Variants in THSD7B observed in about 807,000 individuals in gnomAD.
THSD7B encodes the protein thrombospondin type-1 domain-containing protein 7B.
In THSD7B, 138 loss-of-function variants were observed where a neutral mutation model predicts 213.6. That is an observed-to-expected ratio of 0.65 (90% CI 0.56 to 0.74). THSD7B has a LOEUF of 0.74. Among genes scored for constraint, THSD7B ranks in the 30% least tolerant of loss-of-function variants. The pLI is 0.00. For missense variants in THSD7B, 1,931 were observed against 1,991.5 expected (o/e 0.97, Z 0.58); for synonymous variants, 742 against 687.0 (o/e 1.08, Z -1.25).
intron 17 of THSD7B, among the ~76,000 whole-genome samples, chr2:137,583,407 C>T (rs1310044441): frequency 2.6e-5 from 4 of 152,104 alleles, no homozygotes; most frequent in African/African-American, 9.7e-5. Context: ...ACACGAAGTC[C>T]TTGCCCATGC....
intron 1 of THSD7B, among the ~76,000 whole-genome samples, chr2:136,813,352 GC>G (rs751220977): frequency 1.3e-5 from 2 of 151,966 alleles, no homozygotes; most frequent in Non-Finnish European, 2.9e-5. Flanking sequence ...CTTCGGATTA[GC>G]CCCACAGTAT....
intron 14 of THSD7B, among the ~76,000 whole-genome samples, chr2:137,448,451 G>C (rs111974884): frequency 2.0e-5 from 3 of 152,128 alleles, no homozygotes; most frequent in Non-Finnish European, 4.4e-5. Flanking sequence ...TAGAAGAGAC[G>C]GGAGGGTGGG....
chr2:137,518,129 A>G (rs952776734), intron 15 of THSD7B, among the ~76,000 whole-genome samples: 4 of 152,118 alleles, frequency 2.6e-5, no homozygotes, highest in Non-Finnish European at 2.9e-5. Flanking sequence ...TACATGAGGA[A>G]GTGGCTGAAA....
At chr2:136,842,372 A>G (rs1682933601) in intron 1 of THSD7B, among the ~76,000 whole-genome samples, 1 of 152,212 alleles carries the variant, frequency 6.6e-6, no homozygotes, top group Admixed American at 6.5e-5. Context: ...TCTCAGCTAT[A>G]TCAATCTGGC....
At chr2:137,452,860 A>G (rs1317240422) in intron 15 of THSD7B, among the ~76,000 whole-genome samples, 1 of 152,218 alleles carries the variant, frequency 6.6e-6, no homozygotes, top group Non-Finnish European at 1.5e-5. Flanking sequence ...CAATTCATTA[A>G]CATATAGCAC....
At position 137,353,335 on chromosome 2, in the gene THSD7B, T is replaced by A. The variant is rs142951467; in HGVS notation, c.2501-52278T>A. On this transcript the variant is annotated intron_variant, in intron 12 of 27. Coordinates refer to ENST00000409968, the MANE Select transcript of THSD7B (RefSeq NM_001316349.2). ...AGTTATTAGCTCATTCCTGGTGCCA[T>A]TAGATTCTGAATGATTGTTAACCCT... Among the ~76,000 whole-genome samples the A allele has an allele frequency of 2.2e-3, 331 of 152,202 alleles. 1 individual carries two copies. The highest frequency in any genetic ancestry group is 3.8e-3 in the Non-Finnish European group (260 of 67,980).
intron 7 of THSD7B, among the ~76,000 whole-genome samples, chr2:137,205,668 T>C (rs2105028380): frequency 6.6e-6 from 1 of 152,184 alleles, no homozygotes; most frequent in South Asian, 2.1e-4. Context: ...CCAAGTTCAT[T>C]TCTTTCTACA....
At chr2:137,616,139 G>T (rs1244593280) in intron 17 of THSD7B, 36 bp from the exon 18 acceptor site, 47 of 1,601,836 alleles carry the variant, frequency 2.9e-5, no homozygotes, top group Non-Finnish European at 3.9e-5. Context: ...CAAATAACTT[G>T]CCCACAGTCA....
Position 137,667,631 on chromosome 2 carries a change from G to T in THSD7B, c.4652-143G>T, listed in dbSNP as rs949261331. The T allele has an allele frequency of 8.2e-6, 5 of 612,222 alleles. No homozygotes were observed. The Admixed American group carries it at 9.4e-5, about 12-fold the overall frequency. The allele number at this position is 612,222 out of a possible 1,614,324, so 37.9% of individuals were successfully genotyped here. On this transcript the variant is annotated intron_variant, in intron 26 of 27. Coordinates refer to ENST00000409968, the MANE Select transcript of THSD7B (RefSeq NM_001316349.2). Reference sequence around the variant, plus strand: ...TAGAGCATTGCTAACTTCTGCAGTTGAGTGCACAGTTGGCTAAAGTGCTGC... The same window carrying T: ...TAGAGCATTGCTAACTTCTGCAGTTTAGTGCACAGTTGGCTAAAGTGCTGC...
At chr2:137,094,413 A>G (rs1688001845) in intron 3 of THSD7B, among the ~76,000 whole-genome samples, 1 of 152,176 alleles carries the variant, frequency 6.6e-6, no homozygotes, top group African/African-American at 2.4e-5. Context: ...TCTACTGAAA[A>G]TACAAAAATT....
intron 7 of THSD7B, among the ~76,000 whole-genome samples, chr2:137,172,117 G>T (rs1366304183): frequency 6.6e-6 from 1 of 152,022 alleles, no homozygotes; most frequent in African/African-American, 2.4e-5. Flanking sequence ...ATATTTTTTG[G>T]TCTTCGTCCC....
In THSD7B at chr2:137,620,700, A is replaced by G; in HGVS notation, c.3773A>G (p.Glu1258Gly). 6.2e-7 allele frequency: 1 copy of G among 1,613,876 alleles called. No homozygotes were observed. The highest frequency in any genetic ancestry group is 1.6e-4 in the Middle Eastern group (1 of 6,062). The change falls in exon 20 of 28, where the codon GAG becomes GGG. Residue 1258 changes from glutamate to glycine, a missense_variant. Coordinates refer to ENST00000409968, the MANE Select transcript of THSD7B (RefSeq NM_001316349.2). ...CTCTCAGGGTGGACGGCTTGGACAGAGTGTTCACAGACCTGTGGCCATGGA... is the reference window on the plus strand; with the variant it reads ...CTCTCAGGGTGGACGGCTTGGACAGGGTGTTCACAGACCTGTGGCCATGGA... ...CQLSGWTAWT[E>G]CSQTCGHGGR... is the part of the protein sequence containing the mutation.
intron 10 of THSD7B, among the ~76,000 whole-genome samples, chr2:137,256,907 A>G (rs1313939609): frequency 1.3e-5 from 2 of 152,196 alleles, no homozygotes; most frequent in Non-Finnish European, 2.9e-5. Context: ...TTTATTTCTT[A>G]CAGTTCTGGA....
At chr2:136,882,102 T>C (rs1448313723) in intron 1 of THSD7B, 42 bp from the exon 2 acceptor site, 12 of 1,376,272 alleles carry the variant, frequency 8.7e-6, no homozygotes, top group Non-Finnish European at 1.0e-5. Context: ...TTATCTTTTC[T>C]TTACAGAAGA....
chr2:137,319,286 G>A (rs1197579496), intron 12 of THSD7B, among the ~76,000 whole-genome samples: 1 of 149,650 alleles, frequency 6.7e-6, no homozygotes, highest in African/African-American at 2.5e-5. Context: ...CCATCCATGT[G>A]GCTTTAGAAA....
chr2:136,771,164 T>A (rs899625954), intron 1 of THSD7B, among the ~76,000 whole-genome samples: 1 of 152,312 alleles, frequency 6.6e-6, no homozygotes, highest in African/African-American at 2.4e-5. Flanking sequence ...ATTAACTCAA[T>A]TTATTTCATA....
intron 17 of THSD7B, among the ~76,000 whole-genome samples, chr2:137,605,814 G>T (rs529643174): frequency 5.3e-5 from 8 of 151,794 alleles, no homozygotes; most frequent in African/African-American, 1.7e-4. Context: ...GGTTACAGGC[G>T]CTTGCCACCA....
At chr2:137,194,545 G>A (rs1358506652) in intron 7 of THSD7B, among the ~76,000 whole-genome samples, 1 of 152,202 alleles carries the variant, frequency 6.6e-6, no homozygotes, top group Non-Finnish European at 1.5e-5. Flanking sequence ...TCTTTACAAT[G>A]TTGATTTTTC....
intron 2 of THSD7B, among the ~76,000 whole-genome samples, chr2:136,998,520 T>C (rs949045034): frequency 6.6e-6 from 1 of 152,172 alleles, no homozygotes; most frequent in African/African-American, 2.4e-5. Context: ...ACTATCTTTA[T>C]AAAGTTTTAC....
Sources: allele counts gnomAD v4.1 joint callset (sites outside exome capture counted in the v4.1 genomes callset), GRCh38; gene constraint gnomAD v4.1.1; transcripts MANE v1.5; gene names NCBI Gene and HGNC (gene_info 2026-07-23, HGNC 2026-07-21).